Variants in ECHDC1 observed in about 807,000 individuals in gnomAD.
ECHDC1 encodes ethylmalonyl-CoA decarboxylase 1.
ECHDC1 carries 29 observed loss-of-function variants against 29.7 expected under a neutral mutation model. The observed-to-expected ratio is 0.98, with a 90% CI of 0.73 to 1.33. ECHDC1 has a LOEUF of 1.33. ECHDC1 is among the 40% of genes most tolerant of loss of function. ECHDC1 has a pLI of 0.00. For synonymous variants in ECHDC1, 126 were observed against 123.1 expected, an observed-to-expected ratio of 1.02 and a Z score of -0.15; for missense variants, 328 against 350.0, an observed-to-expected ratio of 0.94 and a Z score of 0.50.
intron 5 of ECHDC1, among the ~76,000 whole-genome samples, chr6:127,312,202 T>G (rs1051698602): frequency 6.6e-6 from 1 of 152,126 alleles, no homozygotes; most frequent in Non-Finnish European, 1.5e-5. Flanking sequence ...CCAAGGAATT[T>G]TATACAGAAT....
chr6:127,342,191 A>G (rs912772224), intron 1 of ECHDC1, among the ~76,000 whole-genome samples: 1 of 151,742 alleles, frequency 6.6e-6, no homozygotes, highest in Admixed American at 6.6e-5. Context: ...ACTCTCACTC[A>G]CTCTTTGCTG....
chr6:127,301,790 T>A (rs1378945760), intron 5 of ECHDC1, among the ~76,000 whole-genome samples: 2 of 152,236 alleles, frequency 1.3e-5, no homozygotes, highest in Non-Finnish European at 2.9e-5. Context: ...CTTCTTCATT[T>A]TTAAAGAAAC....
chr6:127,314,498 T>C (rs1390883869), intron 5 of ECHDC1, among the ~76,000 whole-genome samples: 1 of 152,134 alleles, frequency 6.6e-6, no homozygotes, highest in Non-Finnish European at 1.5e-5. Context: ...CCTTTGTTTG[T>C]ATAATTCTTT....
intron 5 of ECHDC1, among the ~76,000 whole-genome samples, chr6:127,311,704 G>A (rs200125572): frequency 0.08 from 3,078 of 38,364 alleles, no homozygotes; most frequent in Middle Eastern, 0.15. Flanking sequence ...AAAAAGAAAA[G>A]AAAAAAGAAA....
At chr6:127,338,192 GC>G (rs1232981155) in intron 1 of ECHDC1, among the ~76,000 whole-genome samples, 3 of 152,152 alleles carry the variant, frequency 2.0e-5, no homozygotes, top group Admixed American at 2.0e-4. Context: ...TAGTTCTGTA[GC>G]AATTCAATGG....
intron 4 of ECHDC1, chr6:127,315,196 G>T (rs1782265985): frequency 9.7e-6 from 5 of 516,736 alleles, no homozygotes; most frequent in South Asian, 7.8e-5. Flanking sequence ...CCAAATAAAT[G>T]GATGCTTTTG....
intron 5 of ECHDC1, among the ~76,000 whole-genome samples, chr6:127,291,221 T>G (rs1031561115): frequency 3.3e-5 from 5 of 151,798 alleles, no homozygotes; most frequent in African/African-American, 9.7e-5. Flanking sequence ...TTACAAGGGC[T>G]GCTCTAGTTG....
chr6:127,319,699 A>G (rs763305103), intron 3 of ECHDC1, among the ~76,000 whole-genome samples: 5 of 152,204 alleles, frequency 3.3e-5, no homozygotes, highest in Non-Finnish European at 5.9e-5. Context: ...TAATGTATAA[A>G]AGCTGGAAGC....
intron 5 of ECHDC1, among the ~76,000 whole-genome samples, chr6:127,293,235 C>A (rs540840648): frequency 6.6e-6 from 1 of 152,018 alleles, no homozygotes; most frequent in Admixed American, 6.5e-5. Context: ...AAAGAAATTA[C>A]CAAATTTTAC....
At chr6:127,300,649 A>G (rs1780987038) in intron 5 of ECHDC1, among the ~76,000 whole-genome samples, 1 of 152,200 alleles carries the variant, frequency 6.6e-6, no homozygotes, top group African/African-American at 2.4e-5. Context: ...CCCATCTGGC[A>G]GCAAGGAAAC....
intron 5 of ECHDC1, among the ~76,000 whole-genome samples, chr6:127,297,673 G>A (rs1291639295): frequency 6.6e-6 from 1 of 152,148 alleles, no homozygotes; most frequent in Admixed American, 6.6e-5. Context: ...AAAGGAATGG[G>A]GGTGGGCTTA....
At chr6:127,318,146 AT>A (rs1363647261) in intron 3 of ECHDC1, among the ~76,000 whole-genome samples, 1 of 152,188 alleles carries the variant, frequency 6.6e-6, no homozygotes, top group Non-Finnish European at 1.5e-5. Flanking sequence ...AACTTTATTG[AT>A]TACCATACCC....
At chr6:127,316,045 TCTC>T in intron 4 of ECHDC1, 1 of 470,962 alleles carries the variant, frequency 2.1e-6, no homozygotes. Context: ...CTTTTTCTCA[TCTC>T]CTCTGGATAC....
chr6:127,330,740 G>T, intron 2 of ECHDC1, 69 bp downstream of exon 2: 1 of 1,350,490 alleles, frequency 7.4e-7, no homozygotes. Context: ...ACCACAGCAA[G>T]GATAAAAAAA....
At chr6:127,335,508 A>T (rs190782863) in intron 1 of ECHDC1, among the ~76,000 whole-genome samples, 127 of 152,248 alleles carry the variant, frequency 8.3e-4, no homozygotes, top group African/African-American at 2.9e-3. Flanking sequence ...CAAGAAAAAA[A>T]AGATGTTCTA....
At chr6:127,338,302 G>A (rs991733899) in intron 1 of ECHDC1, among the ~76,000 whole-genome samples, 18 of 152,102 alleles carry the variant, frequency 1.2e-4, no homozygotes, top group African/African-American at 4.3e-4. Context: ...AACAAAATAT[G>A]CACACATAAA....
chr6:127,338,000 T>A (rs375386129), intron 1 of ECHDC1, among the ~76,000 whole-genome samples: 1 of 152,338 alleles, frequency 6.6e-6, no homozygotes, highest in East Asian at 1.9e-4. Flanking sequence ...GATGGTATTC[T>A]TCACTGGATT....
At chr6:127,307,648 G>GAAGAAAAAAAAAAAA (rs1781542705) in intron 5 of ECHDC1, among the ~76,000 whole-genome samples, 2 of 48,662 alleles carry the variant, frequency 4.1e-5, no homozygotes, top group African/African-American at 1.3e-4. Context: ...CTCTGTCTCA[G>GAAGAAAAAAAAAAAA]AAAAAAAAAA....
chr6:127,312,519 A>G (rs1782024998), intron 5 of ECHDC1, among the ~76,000 whole-genome samples: 2 of 152,254 alleles, frequency 1.3e-5, no homozygotes, highest in African/African-American at 4.8e-5. Flanking sequence ...TAAGAAACCA[A>G]TATATTTGCT....
Sources: allele counts gnomAD v4.1 joint callset (sites outside exome capture counted in the v4.1 genomes callset), GRCh38; gene constraint gnomAD v4.1.1; transcripts MANE v1.5; gene names NCBI Gene and HGNC (gene_info 2026-07-23, HGNC 2026-07-21).